The following UBE2G1 variants were observed in gnomAD, a reference collection of about 807,000 sequenced individuals.
The protein encoded by UBE2G1 is ubiquitin conjugating enzyme E2 G1, also known as ubiquitin-conjugating enzyme E2 G1.
In UBE2G1, 5 loss-of-function variants were observed where a neutral mutation model predicts 22.7. The ratio of observed to expected loss-of-function variants is 0.22; its 90% CI spans 0.12 to 0.46. UBE2G1 has a LOEUF of 0.46. Among genes scored for constraint, UBE2G1 ranks in the 20% least tolerant of loss-of-function variants. The pLI, the probability that UBE2G1 is intolerant of heterozygous loss-of-function variation, is 0.99. For missense variants in UBE2G1, 88 were observed against 203.9 expected (o/e 0.43, Z 3.46); for synonymous variants, 74 against 67.5 (o/e 1.10, Z -0.47).
At position 4,272,475 on chromosome 17, in the gene UBE2G1, T is replaced by C. The variant is rs779397948; in HGVS notation, c.*79A>G. ...CAACAGAAGTCCAGCAATAGGTGGGTAGAGTGCAGGAAAAACAGTGCCATG... is the reference window on the plus strand; with the variant it reads ...CAACAGAAGTCCAGCAATAGGTGGGCAGAGTGCAGGAAAAACAGTGCCATG... On this transcript the variant is annotated 3_prime_UTR_variant, in exon 6 of 6. Transcript: ENST00000396981. 1.3e-4 allele frequency: 25 copies of C among 186,644 alleles called. No individual in the cohort carries two copies. The highest frequency in any genetic ancestry group is 2.3e-4 in the Non-Finnish European group (20 of 88,794). The allele number at this position is 186,644 out of a possible 1,614,324, so 11.6% of individuals were successfully genotyped here.
chr17:4,302,099 G>C (rs935664642), intron 2 of UBE2G1: 2 of 524,654 alleles, frequency 3.8e-6, no homozygotes, highest in African/African-American at 1.9e-5. Flanking sequence ...CCTTACCCCT[G>C]TGGCTCATAT....
At chr17:4,353,812 A>T (rs190647562) in intron 1 of UBE2G1, among the ~76,000 whole-genome samples, 6 of 104,848 alleles carry the variant, frequency 5.7e-5, no homozygotes, top group African/African-American at 2.0e-4. Context: ...GCCCGGTCAA[A>T]TTTTTTTTTT....
intron 2 of UBE2G1, among the ~76,000 whole-genome samples, chr17:4,300,349 C>T (rs1368845864): frequency 2.6e-5 from 4 of 151,316 alleles, no homozygotes; most frequent in Non-Finnish European, 5.9e-5. Flanking sequence ...TCGAAAACAA[C>T]CTGACCAATA....
At chr17:4,283,283 T>C (rs1968916794) in intron 4 of UBE2G1, among the ~76,000 whole-genome samples, 1 of 152,140 alleles carries the variant, frequency 6.6e-6, no homozygotes, top group South Asian at 2.1e-4. Flanking sequence ...GAGGCCGAGG[T>C]GGGCGGATCA....
chr17:4,323,316 AAAGT>A (rs1376798157), intron 1 of UBE2G1, among the ~76,000 whole-genome samples: 1 of 152,194 alleles, frequency 6.6e-6, no homozygotes, highest in Non-Finnish European at 1.5e-5. Flanking sequence ...CTGTAAAACA[AAAGT>A]AAGGACTCAT....
At chr17:4,293,660 C>T (rs1350792942) in intron 3 of UBE2G1, among the ~76,000 whole-genome samples, 1 of 152,198 alleles carries the variant, frequency 6.6e-6, no homozygotes, top group Non-Finnish European at 1.5e-5. Context: ...TCTAATTTCT[C>T]TACTTCCTCA....
intron 3 of UBE2G1, among the ~76,000 whole-genome samples, chr17:4,290,644 C>CT (rs372483601): frequency 0.088 from 12,216 of 138,172 alleles, 769 homozygotes; most frequent in South Asian, 0.17. Flanking sequence ...GCTAACCTGA[C>CT]TTTTTTTTTT....
At chr17:4,338,785 G>T (rs537805669) in intron 1 of UBE2G1, among the ~76,000 whole-genome samples, 14 of 152,230 alleles carry the variant, frequency 9.2e-5, no homozygotes, top group African/African-American at 3.1e-4. Flanking sequence ...AATAGATGCC[G>T]ATCAATCAGA....
Position 4,346,422 on chromosome 17 carries a change from T to A in UBE2G1, c.46+19849A>T, listed in dbSNP as rs1045356654. Among the ~76,000 whole-genome samples, 6 of 140,126 alleles carry A rather than the reference T, an allele frequency of 4.3e-5. No individual in the cohort carries two copies. In the East Asian group the frequency reaches 1.2e-3, roughly 28 times the overall value. 91.9% of individuals were successfully genotyped at this position (140,126 alleles called of 152,430 possible). A position where few individuals can be genotyped will look rare whatever the true frequency, so the allele number is the denominator to read the frequency against. ...GCAGTCTCATCTATACAGCTTACAT[T>A]TTCTTCTTCTTTTTTTTTTTTTTTT... is the stretch of plus-strand genomic sequence containing the variant. On this transcript the variant is annotated intron_variant, in intron 1 of 5. Transcript: ENST00000396981.
intron 2 of UBE2G1, among the ~76,000 whole-genome samples, chr17:4,297,511 C>T (rs1440763205): frequency 6.6e-6 from 1 of 152,180 alleles, no homozygotes; most frequent in Non-Finnish European, 1.5e-5. Context: ...ACCTCCAGAT[C>T]ACTGACACTT....
rs115584162 is a variant in UBE2G1 at position 4,342,922 on chromosome 17, C to T, written c.46+23349G>A. Among the ~76,000 whole-genome samples, 942 of 152,256 alleles carry T rather than the reference C, an allele frequency of 6.2e-3. 5 individuals are homozygous for T. The highest frequency in any genetic ancestry group is 0.021 in the African/African-American group (886 of 41,544). ...CCAGGCCTCTCTCCCACTGCAGCGC[C>T]CCTGTACTGTTCTTCTCTTGGCCTG... On this transcript the variant is annotated intron_variant, in intron 1 of 5. Transcript: ENST00000396981.
chr17:4,344,288 C>A (rs554402097), intron 1 of UBE2G1, among the ~76,000 whole-genome samples: 86 of 152,212 alleles, frequency 5.7e-4, no homozygotes, highest in Middle Eastern at 3.4e-3. Context: ...CGCCTGTAAT[C>A]CCAGCACTTT....
intron 4 of UBE2G1, among the ~76,000 whole-genome samples, chr17:4,284,152 G>A (rs867737670): frequency 1.7e-4 from 18 of 103,284 alleles, no homozygotes; most frequent in Non-Finnish European, 3.1e-4. Flanking sequence ...GCGAGACTCC[G>A]TCTCTCAAAA....
chr17:4,325,837 T>G (rs1359186093), intron 1 of UBE2G1, among the ~76,000 whole-genome samples: 1 of 152,186 alleles, frequency 6.6e-6, no homozygotes, highest in African/African-American at 2.4e-5. Flanking sequence ...CAACTGATTT[T>G]CAACAAGGTT....
chr17:4,329,564 A>C (rs1969545500), intron 1 of UBE2G1, among the ~76,000 whole-genome samples: 1 of 152,090 alleles, frequency 6.6e-6, no homozygotes, highest in Non-Finnish European at 1.5e-5. Flanking sequence ...AAAAAAAAAA[A>C]AGAGACTGAG....
chr17:4,334,044 A>G lies in UBE2G1; in HGVS notation c.47-26921T>C, dbSNP rs576623356. ...TCTTGAATTGTGGCACGTGAATGGCAGAACATGTCAGTTATAATTTCCATG... is the reference window on the plus strand; with the variant it reads ...TCTTGAATTGTGGCACGTGAATGGCGGAACATGTCAGTTATAATTTCCATG... On this transcript the variant is annotated intron_variant, in intron 1 of 5. Coordinates refer to ENST00000396981, the MANE Select transcript of UBE2G1 (RefSeq NM_003342.5). Among the ~76,000 whole-genome samples, 210 of 152,242 alleles carry G rather than the reference A, an allele frequency of 1.4e-3. 1 individual carries two copies. The highest frequency in any genetic ancestry group is 4.8e-3 in the African/African-American group (199 of 41,548).
At chr17:4,309,243 T>C (rs1047097535) in intron 1 of UBE2G1, among the ~76,000 whole-genome samples, 2 of 152,196 alleles carry the variant, frequency 1.3e-5, no homozygotes, top group African/African-American at 4.8e-5. Context: ...TGGGTGACAA[T>C]GCGAGACTCC....
At chr17:4,313,906 T>G (rs1234176583) in intron 1 of UBE2G1, among the ~76,000 whole-genome samples, 5 of 152,162 alleles carry the variant, frequency 3.3e-5, no homozygotes, top group Non-Finnish European at 7.3e-5. Context: ...GACAAGGTAG[T>G]GTCCTTGAGA....
intron 5 of UBE2G1, among the ~76,000 whole-genome samples, chr17:4,274,199 CTTT>C (rs11426758): frequency 3.0e-5 from 3 of 101,228 alleles, no homozygotes; most frequent in African/African-American, 4.0e-5. Context: ...CCAGGATGGT[CTTT>C]TTTTTTTTTT....
Sources: allele counts gnomAD v4.1 joint callset (sites outside exome capture counted in the v4.1 genomes callset), GRCh38; gene constraint gnomAD v4.1.1; transcripts MANE v1.5; gene names NCBI Gene and HGNC (gene_info 2026-07-23, HGNC 2026-07-21).